The following GRAP2 variants were observed in gnomAD, a reference collection of about 807,000 sequenced individuals.
GRAP2 encodes the protein GRB2 related adaptor protein 2.
In GRAP2, 31 loss-of-function variants were observed where a neutral mutation model predicts 43.5. The observed-to-expected ratio is 0.71, with a 90% CI of 0.54 to 0.96. The LOEUF (loss-of-function observed/expected upper bound fraction) is 0.96, where lower values mean the gene tolerates loss of function less well. Among genes scored for constraint, GRAP2 ranks in the 40% least tolerant of loss-of-function variants. The probability of loss-of-function intolerance (pLI) is 0.00; values close to 1 mark genes in which losing one functional copy is unlikely to be tolerated. For synonymous variants in GRAP2, 156 were observed against 164.8 expected (o/e 0.95, Z 0.41); for missense variants, 371 against 424.4 (o/e 0.87, Z 1.11).
At chr22:39,937,446 C>T (rs1459766367) in intron 1 of GRAP2, among the ~76,000 whole-genome samples, 2 of 152,152 alleles carry the variant, frequency 1.3e-5, no homozygotes, top group East Asian at 3.8e-4. Flanking sequence ...AGCTAGGACT[C>T]CACAGGCAAT....
intron 1 of GRAP2, among the ~76,000 whole-genome samples, chr22:39,911,293 C>A (rs73428113): frequency 6.6e-6 from 1 of 151,974 alleles, no homozygotes; most frequent in Non-Finnish European, 1.5e-5. Flanking sequence ...ACGTGATGGT[C>A]AGTATCATTT....
In GRAP2 at chr22:39,947,162, T is replaced by G; in HGVS notation, c.56T>G (p.Phe19Cys). 1 of 1,597,694 alleles carries G rather than the reference T, an allele frequency of 6.3e-7. No homozygotes were observed. The highest frequency in any genetic ancestry group is 8.6e-7 in the Non-Finnish European group (1 of 1,164,980). Residue 19 changes from phenylalanine to cysteine, a missense_variant, in exon 2 of 8, where the codon TTT becomes TGT. Coordinates refer to ENST00000344138, the MANE Select transcript of GRAP2 (RefSeq NM_004810.4). Reference sequence around the variant, plus strand: ...GCTTCAGGTGAGGATGAACTGAGCTTTCACACTGGAGATGTTTTGAAGGTA... The same window carrying G: ...GCTTCAGGTGAGGATGAACTGAGCTGTCACACTGGAGATGTTTTGAAGGTA... ...FTASGEDELS[F>C]HTGDVLKILS...
At chr22:39,952,545 C>T (rs2066997655) in intron 2 of GRAP2, among the ~76,000 whole-genome samples, 1 of 152,076 alleles carries the variant, frequency 6.6e-6, no homozygotes, top group Admixed American at 6.5e-5. Flanking sequence ...GTTCTTTTGA[C>T]CTAGATTTTC....
intron 1 of GRAP2, among the ~76,000 whole-genome samples, chr22:39,923,039 T>TA (rs71753877): frequency 0.3 from 42,686 of 140,384 alleles, 7,510 homozygotes; most frequent in African/African-American, 0.51. Flanking sequence ...GAGATTCAGT[T>TA]AAAAAAAAAA....
intron 1 of GRAP2, among the ~76,000 whole-genome samples, chr22:39,933,340 C>T (rs1317083114): frequency 1.3e-5 from 2 of 152,252 alleles, no homozygotes; most frequent in East Asian, 3.9e-4. Flanking sequence ...ACAAGGATGT[C>T]GATGGAGTGC....
chr22:39,960,230 A>C, intron 4 of GRAP2, 56 bp downstream of exon 4: 1 of 1,557,020 alleles, frequency 6.4e-7, no homozygotes, highest in South Asian at 1.1e-5. Context: ...ACCTCACAGA[A>C]TGCTGAAGCC....
At chr22:39,916,070 C>T (rs2066600237) in intron 1 of GRAP2, among the ~76,000 whole-genome samples, 1 of 152,178 alleles carries the variant, frequency 6.6e-6, no homozygotes, top group African/African-American at 2.4e-5. Flanking sequence ...AAGGGCTAAC[C>T]CCCAATCCAC....
At chr22:39,953,773 G>A (rs770769977) in intron 2 of GRAP2, among the ~76,000 whole-genome samples, 1 of 152,118 alleles carries the variant, frequency 6.6e-6, no homozygotes, top group African/African-American at 2.4e-5. Flanking sequence ...ACCACGCCTT[G>A]CTAAGTTTTA....
chr22:39,912,516 T>C (rs2066574144), intron 1 of GRAP2, among the ~76,000 whole-genome samples: 1 of 152,208 alleles, frequency 6.6e-6, no homozygotes, highest in South Asian at 2.1e-4. Flanking sequence ...GGAAACATTT[T>C]TTGTCACAGT....
At chr22:39,911,711 C>T (rs1392869085) in intron 1 of GRAP2, among the ~76,000 whole-genome samples, 1 of 151,970 alleles carries the variant, frequency 6.6e-6, no homozygotes, top group Non-Finnish European at 1.5e-5. Flanking sequence ...GCTCTTGTGA[C>T]CCTATAATTA....
intron 4 of GRAP2, among the ~76,000 whole-genome samples, chr22:39,965,407 G>C (rs1317725925): frequency 1.3e-5 from 2 of 152,154 alleles, no homozygotes; most frequent in Non-Finnish European, 2.9e-5. Flanking sequence ...CAAAAACTCT[G>C]TATTTCATAC....
chr22:39,901,183 G>C lies in GRAP2; in HGVS notation c.-162G>C. On this transcript the variant is annotated 5_prime_UTR_variant, in exon 1 of 8. Coordinates refer to ENST00000344138, the MANE Select transcript of GRAP2 (RefSeq NM_004810.4). The stretch of plus-strand genomic sequence containing the variant: ...CTGTAAACTTGCACCCTCTTTCAGA[G>C]TGGTACATGGAAGACAGCACAAAGT... 1 of 637,958 alleles carries C rather than the reference G, an allele frequency of 1.6e-6. No homozygotes were observed. The highest frequency in any genetic ancestry group is 2.5e-6 in the Non-Finnish European group (1 of 394,284). 39.5% of individuals were successfully genotyped at this position (637,958 alleles called of 1,614,324 possible). A position where few individuals can be genotyped will look rare whatever the true frequency, so the allele number is the denominator to read the frequency against.
intron 1 of GRAP2, among the ~76,000 whole-genome samples, chr22:39,933,968 G>C (rs1380312761): frequency 6.6e-6 from 1 of 152,176 alleles, no homozygotes; most frequent in African/African-American, 2.4e-5. Flanking sequence ...GGTGACAGCT[G>C]CCTCACAAAA....
intron 2 of GRAP2, among the ~76,000 whole-genome samples, chr22:39,954,871 C>T (rs1279280742): frequency 1.3e-5 from 2 of 152,142 alleles, no homozygotes. Context: ...AGTAACAAGA[C>T]AGAACTTTTG....
chr22:39,963,742 G>A (rs2067142128), intron 4 of GRAP2, among the ~76,000 whole-genome samples: 1 of 152,206 alleles, frequency 6.6e-6, no homozygotes, highest in African/African-American at 2.4e-5. Context: ...CCATGGTCAG[G>A]CGCAGTGGCT....
chr22:39,968,513 A>T, intron 6 of GRAP2: 1 of 532,614 alleles, frequency 1.9e-6, no homozygotes, highest in Non-Finnish European at 3.3e-6. Flanking sequence ...TTAAACTCAC[A>T]CACACACACA....
At chr22:39,943,424 A>G (rs965882364) in intron 1 of GRAP2, among the ~76,000 whole-genome samples, 3 of 152,232 alleles carry the variant, frequency 2.0e-5, no homozygotes, top group African/African-American at 7.2e-5. Flanking sequence ...TCCACACTGC[A>G]TGCTGCTAAT....
intron 1 of GRAP2, among the ~76,000 whole-genome samples, chr22:39,911,413 C>A (rs2066564985): frequency 6.6e-6 from 1 of 151,694 alleles, no homozygotes; most frequent in Admixed American, 6.6e-5. Context: ...CAACTCTACC[C>A]TCTTCTGTTT....
chr22:39,952,091 A>G (rs1349688133), intron 2 of GRAP2, among the ~76,000 whole-genome samples: 3 of 151,070 alleles, frequency 2.0e-5, no homozygotes, highest in Admixed American at 6.6e-5. Context: ...CAATGGCGCA[A>G]TCTCGGCTCA....
Sources: allele counts gnomAD v4.1 joint callset (sites outside exome capture counted in the v4.1 genomes callset), GRCh38; gene constraint gnomAD v4.1.1; transcripts MANE v1.5; gene names NCBI Gene and HGNC (gene_info 2026-07-23, HGNC 2026-07-21).